FAR1: variants seen among roughly 807,000 people sequenced by gnomAD.
The protein encoded by FAR1 is male sterility domain-containing protein 2.
A neutral mutation model predicts 61.1 loss-of-function variants in FAR1; 22 were observed. The observed-to-expected ratio is 0.36, with a 90% CI of 0.26 to 0.51. The LOEUF (loss-of-function observed/expected upper bound fraction) is 0.51. Among genes scored for constraint, FAR1 ranks in the 20% least tolerant of loss-of-function variants. The pLI, the probability that FAR1 is intolerant of heterozygous loss-of-function variation, is 0.95. For synonymous variants in FAR1, 206 were observed against 209.7 expected (o/e 0.98, Z 0.15); for missense variants, 359 against 626.9 (o/e 0.57, Z 4.56).
At chr11:13,716,723 T>TA (rs371866740) in intron 9 of FAR1, among the ~76,000 whole-genome samples, 428 of 152,322 alleles carry the variant, frequency 2.8e-3, no homozygotes, top group African/African-American at 9.7e-3. Context: ...TTCTTCTAGT[T>TA]ACAAGTGAGT....
In FAR1 at chr11:13,694,918, A is replaced by G. The variant is rs1212971095; in HGVS notation, c.153A>G (p.Thr51=). 6.2e-7 allele frequency: 1 copy of G among 1,613,586 alleles called. No homozygotes were observed. Among genetic ancestry groups the G allele is most frequent in the South Asian group, 1.1e-5 (1 of 90,982 alleles). The change falls in exon 2 of 12, where the codon ACA becomes ACG. Residue 51 remains threonine (T), a synonymous_variant. Transcript: ENST00000354817. The part of the protein sequence containing the change: ...YVLVRQKAGQ[T]PQERVEEVLS... The stretch of plus-strand genomic sequence containing the variant: ...TGGTGAGGCAGAAAGCTGGACAGAC[A>G]CCACAAGAGCGAGTGGAAGAAGTCC...
Position 13,728,845 on chromosome 11 carries a change from G to A in FAR1, c.*71G>A. 1.4e-6 allele frequency: 2 copies of A among 1,409,624 alleles called. No homozygotes were observed. The highest frequency in any genetic ancestry group is 2.6e-5 in the South Asian group (2 of 75,914). The allele number at this position is 1,409,624 out of a possible 1,614,324, so 87.3% of individuals were successfully genotyped here. A position where few individuals can be genotyped will look rare whatever the true frequency, so the allele number is the denominator to read the frequency against. Reference sequence around the variant, plus strand: ...AATGTACAAAATGTAAAATGTATAAGTCATCTCACTTTTTGTCAAGACATT... The same window carrying A: ...AATGTACAAAATGTAAAATGTATAAATCATCTCACTTTTTGTCAAGACATT... On this transcript the variant is annotated 3_prime_UTR_variant, in exon 12 of 12. Coordinates refer to ENST00000354817, the MANE Select transcript of FAR1 (RefSeq NM_032228.6).
At chr11:13,727,477 T>A in intron 10 of FAR1, 79 bp from the exon 11 acceptor site, 1 of 1,355,182 alleles carries the variant, frequency 7.4e-7, no homozygotes, top group Middle Eastern at 2.0e-4. Context: ...GAACTGGCCT[T>A]TAGAAAAAGT....
At chr11:13,696,308 G>A (rs575591150) in intron 2 of FAR1, among the ~76,000 whole-genome samples, 8 of 152,138 alleles carry the variant, frequency 5.3e-5, no homozygotes, top group African/African-American at 1.9e-4. Flanking sequence ...TGTTGTAGGG[G>A]GTGGAATTCA....
intron 5 of FAR1, chr11:13,711,115 C>T (rs1460981353): frequency 4.4e-6 from 2 of 454,466 alleles, no homozygotes; most frequent in African/African-American, 2.1e-5. Context: ...AAAGCTGTGA[C>T]ATTTTCTTAA....
intron 1 of FAR1, among the ~76,000 whole-genome samples, chr11:13,682,680 C>T (rs1848141262): frequency 6.6e-6 from 1 of 152,194 alleles, no homozygotes; most frequent in African/African-American, 2.4e-5. Context: ...ACAATTATGG[C>T]TAACTGTAGT....
chr11:13,695,063 T>A, intron 2 of FAR1, 109 bp downstream of exon 2: 2 of 920,334 alleles, frequency 2.2e-6, no homozygotes, highest in Non-Finnish European at 1.5e-6. Flanking sequence ...TCTGAAAAAA[T>A]TAGTAAAACA....
chr11:13,672,994 A>G (rs1848027258), intron 1 of FAR1, among the ~76,000 whole-genome samples: 1 of 152,196 alleles, frequency 6.6e-6, no homozygotes, highest in African/African-American at 2.4e-5. Context: ...CCTCTCATTA[A>G]TGGGTTTGCA....
intron 4 of FAR1, among the ~76,000 whole-genome samples, chr11:13,710,048 C>G (rs1260724160): frequency 1.3e-5 from 2 of 152,026 alleles, no homozygotes; most frequent in Non-Finnish European, 2.9e-5. Flanking sequence ...ATTTTTATAG[C>G]ATGCTTCAAT....
Position 13,732,045 on chromosome 11 carries a change from C to T in FAR1, c.*3271C>T, listed in dbSNP as rs1238361356. The T allele has an allele frequency of 6.6e-6, 1 of 151,714 alleles. No homozygotes were observed. Among genetic ancestry groups the T allele is most frequent in the African/African-American group, 2.4e-5 (1 of 41,238 alleles). The allele number at this position is 151,714 out of a possible 1,614,324, so 9.4% of individuals were successfully genotyped here. On this transcript the variant is annotated 3_prime_UTR_variant, in exon 12 of 12. Transcript: ENST00000354817. ...TTGCTCTGTTTTGAGAAAAACTTTC[C>T]AAACTTTTGCATGAGAAACTAGAAA...
chr11:13,684,508 A>G (rs957215649), intron 1 of FAR1, among the ~76,000 whole-genome samples: 1 of 152,118 alleles, frequency 6.6e-6, no homozygotes, highest in Non-Finnish European at 1.5e-5. Context: ...TGGATGTTTT[A>G]TCTGTATTTT....
chr11:13,705,415 A>G (rs1297760535), intron 3 of FAR1, among the ~76,000 whole-genome samples: 3 of 152,034 alleles, frequency 2.0e-5, no homozygotes, highest in Non-Finnish European at 4.4e-5. Flanking sequence ...TGCAAAGGGA[A>G]AAAGGCAAGG....
At chr11:13,709,394 A>G (rs1025752696) in intron 4 of FAR1, among the ~76,000 whole-genome samples, 6 of 152,306 alleles carry the variant, frequency 3.9e-5, no homozygotes, top group Non-Finnish European at 8.8e-5. Flanking sequence ...TCTGCGGGAA[A>G]AGTTGAGTGT....
chr11:13,702,836 G>C (rs569903010), intron 3 of FAR1, among the ~76,000 whole-genome samples: 1 of 152,306 alleles, frequency 6.6e-6, no homozygotes, highest in Admixed American at 6.5e-5. Context: ...TTACAAGGAG[G>C]ACCAAAGTAC....
Position 13,683,616 on chromosome 11 carries a change from A to G in FAR1, c.-7-11143A>G, listed in dbSNP as rs190886887. On this transcript the variant is annotated intron_variant, in intron 1 of 11. Coordinates refer to ENST00000354817, the MANE Select transcript of FAR1 (RefSeq NM_032228.6). The stretch of plus-strand genomic sequence containing the variant: ...GGCTGGTCTCGAACTCCTGGCCTCA[A>G]GTGATCCTCCTGCCTGGGCTCCCAA... Among the ~76,000 whole-genome samples the G allele has an allele frequency of 1.4e-3, 220 of 152,200 alleles. 1 individual carries two copies. The highest frequency in any genetic ancestry group is 5.1e-3 in the African/African-American group (212 of 41,534).
At chr11:13,706,461 C>G (rs1848432947) in intron 3 of FAR1, among the ~76,000 whole-genome samples, 1 of 151,918 alleles carries the variant, frequency 6.6e-6, no homozygotes, top group Non-Finnish European at 1.5e-5. Flanking sequence ...ATTTTTGTCA[C>G]TAATATTGAG....
rs144259183 is a variant in FAR1, at chr11:13,706,469, G to A, written c.366-1431G>A. On this transcript the variant is annotated intron_variant, in intron 3 of 11. Transcript: ENST00000354817. ...CTTTGCCATTTTTGTCACTAATATTGAGTATTTAAATCTTTTCGTTTGTTT... is the reference window on the plus strand; with the variant it reads ...CTTTGCCATTTTTGTCACTAATATTAAGTATTTAAATCTTTTCGTTTGTTT... 5.1e-3 allele frequency among the ~76,000 whole-genome samples: 775 copies of A among 151,990 alleles called. 10 individuals are homozygous for A. The highest frequency in any genetic ancestry group is 0.018 in the African/African-American group (734 of 41,492).
chr11:13,672,681 C>T (rs35013939), intron 1 of FAR1, among the ~76,000 whole-genome samples: 26,406 of 151,984 alleles, frequency 0.17, 2,504 homozygotes, highest in Non-Finnish European at 0.2. Flanking sequence ...TTATTTCAGT[C>T]CCTACTTGGT....
chr11:13,713,952 T>C (rs1483023742), intron 8 of FAR1, among the ~76,000 whole-genome samples: 2 of 152,144 alleles, frequency 1.3e-5, no homozygotes. Context: ...TTGAGCGTTA[T>C]ATTTTAGTGA....
Sources: allele counts gnomAD v4.1 joint callset (sites outside exome capture counted in the v4.1 genomes callset), GRCh38; gene constraint gnomAD v4.1.1; transcripts MANE v1.5; gene names NCBI Gene and HGNC (gene_info 2026-07-23, HGNC 2026-07-21).